The following EEF2K variants were observed in gnomAD, a reference collection of about 807,000 sequenced individuals.
EEF2K encodes the protein alternative protein EEF2K.
In EEF2K, 70 loss-of-function variants were observed where a neutral mutation model predicts 93.8. The observed-to-expected ratio is 0.75, with a 90% CI of 0.62 to 0.91. The LOEUF (loss-of-function observed/expected upper bound fraction) is 0.91. EEF2K is among the 40% of genes least tolerant of loss of function. The pLI, the probability that EEF2K is intolerant of heterozygous loss-of-function variation, is 0.00. For synonymous variants in EEF2K, 376 were observed against 380.8 expected, an observed-to-expected ratio of 0.99 and a Z score of 0.15; for missense variants, 935 against 972.9, an observed-to-expected ratio of 0.96 and a Z score of 0.52.
chr16:22,242,400 C>A (rs1359938709), intron 2 of EEF2K, among the ~76,000 whole-genome samples: 1 of 151,924 alleles, frequency 6.6e-6, no homozygotes, highest in African/African-American at 2.4e-5. Flanking sequence ...CCATTCACTG[C>A]AACCTCCACC....
chr16:22,274,610 T>C (rs1177193097), intron 16 of EEF2K, among the ~76,000 whole-genome samples: 2 of 152,070 alleles, frequency 1.3e-5, no homozygotes, highest in African/African-American at 2.4e-5. Flanking sequence ...CTTTTCCTAC[T>C]TATTATTATA....
chr16:22,248,049 T>A (rs959970525), intron 3 of EEF2K, among the ~76,000 whole-genome samples: 12 of 151,804 alleles, frequency 7.9e-5, no homozygotes, highest in African/African-American at 2.9e-4. Flanking sequence ...GTATTTATTT[T>A]TATTTTTATT....
rs1173721565 is a variant in EEF2K at position 22,280,304 on chromosome 16, A to G, written c.1996A>G (p.Met666Val). 1.9e-6 allele frequency: 3 copies of G among 1,609,116 alleles called. No homozygotes were observed. Among genetic ancestry groups the G allele is most frequent in the East Asian group, 4.5e-5 (2 of 44,414 alleles). Residue 666 changes from methionine to valine, a missense_variant, in exon 17 of 18, where the codon ATG (methionine) becomes GTG (valine). By Grantham distance (21) the Met-to-Val change is conservative. Transcript: ENST00000263026. ...CGGAATGCAGGACGAGCCCCGGTAC[A>G]TGATGCTGGCCAGGGAGGCCGAGAT... is the stretch of plus-strand genomic sequence containing the variant. ...YDGMQDEPRY[M>V]MLAREAEMLF...
chr16:22,213,979 A>G (rs2046937594), intron 1 of EEF2K, among the ~76,000 whole-genome samples: 1 of 152,242 alleles, frequency 6.6e-6, no homozygotes, highest in Admixed American at 6.5e-5. Context: ...TCCAGGGATT[A>G]GGATGTAGCC....
In EEF2K at chr16:22,224,202, AAAAC is replaced by A. The variant is rs551150421; in HGVS notation, c.-76-1440_-76-1437del. ...ACAGAGCCAGACTCTGTCTCAAAGA[AAAAC>A]AAACAAACAAAAAATGCTTTTAGGG... On this transcript the variant is annotated intron_variant, in intron 1 of 17. Coordinates refer to ENST00000263026, the MANE Select transcript of EEF2K (RefSeq NM_013302.5). 8.5e-5 allele frequency among the ~76,000 whole-genome samples: 13 copies of A among 152,280 alleles called. No individual in the cohort carries two copies. The East Asian group carries it at 9.6e-4, about 11-fold the overall frequency.
intron 12 of EEF2K, 29 bp from the exon 13 acceptor site, chr16:22,264,789 G>T: frequency 6.2e-7 from 1 of 1,612,792 alleles, no homozygotes; most frequent in Non-Finnish European, 8.5e-7. Context: ...TTGTCGCTTT[G>T]GATCAGTGTA....
chr16:22,267,951 T>C (rs1171591028), intron 15 of EEF2K, among the ~76,000 whole-genome samples: 1 of 152,170 alleles, frequency 6.6e-6, no homozygotes, highest in East Asian at 1.9e-4. Flanking sequence ...TCCTCCCATC[T>C]GTTCCCATCC....
At position 22,266,505 on chromosome 16, in the gene EEF2K, G is replaced by A. The variant is rs1357247148; in HGVS notation, c.1556G>A (p.Gly519Glu). Residue 519 changes from glycine (G) to glutamate (E), a missense_variant, in exon 14 of 18, where the codon GGG becomes GAG. Physicochemically the swap from Gly to Glu is moderately conservative, Grantham distance 98. Transcript: ENST00000263026. ...LNALDLEKKI[G>E]KSILGKVHLA... ...GCTCTGGACCTCGAAAAGAAAATCG[G>A]GAAGTCCATTTTGGGGAAGGTATCG... is the stretch of plus-strand genomic sequence containing the variant. 1 of 1,614,192 alleles carries A rather than the reference G, an allele frequency of 6.2e-7. No individual in the cohort carries two copies. Among genetic ancestry groups the A allele is most frequent in the East Asian group, 2.2e-5 (1 of 44,874 alleles).
intron 2 of EEF2K, among the ~76,000 whole-genome samples, chr16:22,236,513 T>C (rs1482976412): frequency 6.6e-6 from 1 of 151,984 alleles, no homozygotes; most frequent in Admixed American, 6.6e-5. Flanking sequence ...TCATAAAGTC[T>C]GCAGAAGTGA....
In EEF2K at chr16:22,284,180, A is replaced by G. The variant is rs2047729411; in HGVS notation, c.*184A>G. 3.2e-6 allele frequency: 2 copies of G among 618,694 alleles called. No homozygotes were observed. Among genetic ancestry groups the G allele is most frequent in the Non-Finnish European group, 5.7e-6 (2 of 351,616 alleles). 38.3% of individuals were successfully genotyped at this position (618,694 alleles called of 1,614,324 possible). ...TTTGCTCCTTGGCAGCTACCAGCAG[A>G]GACTCTATAGCTGTCTCTTAGGGCA... On this transcript the variant is annotated 3_prime_UTR_variant, in exon 18 of 18. Transcript: ENST00000263026.
Position 22,264,859 on chromosome 16 carries a change from C to T in EEF2K, c.1419C>T (p.Asp473=). ...ATCGGAAGTACGAGTCTGACGAAGA[C>T]AGCCTGGGCAGCTCTGGACGGGTAA... ...YSNRKYESDE[D]SLGSSGRVCV... The change falls in exon 13 of 18, where the codon GAC becomes GAT. Residue 473 remains aspartate (D), a synonymous_variant. Transcript: ENST00000263026. 3.1e-6 allele frequency: 5 copies of T among 1,614,086 alleles called. No homozygotes were observed. The highest frequency in any genetic ancestry group is 4.2e-6 in the Non-Finnish European group (5 of 1,179,968).
At chr16:22,281,235 TTTTC>T (rs1250634216) in intron 17 of EEF2K, among the ~76,000 whole-genome samples, 3 of 152,246 alleles carry the variant, frequency 2.0e-5, no homozygotes, top group East Asian at 1.9e-4. Context: ...CCTCCTTTCC[TTTTC>T]TTTCTTTCTT....
At chr16:22,278,504 G>A (rs1471446811) in intron 16 of EEF2K, among the ~76,000 whole-genome samples, 1 of 152,152 alleles carries the variant, frequency 6.6e-6, no homozygotes, top group Non-Finnish European at 1.5e-5. Flanking sequence ...AGCAGGCATC[G>A]TTGGGGAATG....
In EEF2K at chr16:22,280,217, G is replaced by T; in HGVS notation, c.1909G>T (p.Ala637Ser). The T allele has an allele frequency of 6.4e-7, 1 of 1,551,250 alleles. No homozygotes were observed. Among genetic ancestry groups the T allele is most frequent in the Non-Finnish European group, 8.7e-7 (1 of 1,148,798 alleles). The stretch of plus-strand genomic sequence containing the variant: ...GGCAAGGTGCCAAGACTGGCTAGAG[G>T]CCCTGCACTGGTACAACACTGCCCT... ...SPDRCQDWLE[A>S]LHWYNTALEM... The change falls in exon 17 of 18, where the codon GCC (alanine) becomes TCC (serine). Residue 637 changes from alanine to serine, a missense_variant. By Grantham distance (99) the Ala-to-Ser change is moderately conservative. Coordinates refer to ENST00000263026, the MANE Select transcript of EEF2K (RefSeq NM_013302.5).
chr16:22,260,369 G>T, intron 10 of EEF2K, 93 bp from the exon 11 acceptor site: 6 of 1,192,318 alleles, frequency 5.0e-6, no homozygotes, highest in Non-Finnish European at 5.9e-6. Context: ...AAAAAGGCTT[G>T]GTGGCAGGTA....
intron 3 of EEF2K, among the ~76,000 whole-genome samples, chr16:22,245,431 C>G (rs2030304995): frequency 1.3e-5 from 2 of 152,040 alleles, no homozygotes; most frequent in Non-Finnish European, 2.9e-5. Context: ...CTCTGGAGAG[C>G]TTTCCTCCCT....
intron 2 of EEF2K, among the ~76,000 whole-genome samples, chr16:22,238,368 C>A (rs1032258480): frequency 2.6e-5 from 4 of 152,074 alleles, no homozygotes; most frequent in African/African-American, 9.7e-5. Flanking sequence ...TGATCATCCC[C>A]CTACAGATGG....
rs748801468 is a variant in EEF2K, at chr16:22,244,581, GCCCCTGA to G, written c.247-46_247-40del. ...AGGAGGAGTCCACGCTGTCCCCAAA[GCCCCTGA>G]CCTGGGCCTGATGTTCCTACCTTCT... On this transcript the variant is annotated intron_variant, in intron 2 of 17. Coordinates refer to ENST00000263026, the MANE Select transcript of EEF2K (RefSeq NM_013302.5). 3.8e-6 allele frequency: 6 copies of G among 1,595,212 alleles called. No homozygotes were observed. The African/African-American group carries it at 6.7e-5, about 18-fold the overall frequency.
rs1236610751 is a variant in EEF2K, at chr16:22,284,734, T to A, written c.*738T>A. 6.6e-6 allele frequency: 1 copy of A among 152,172 alleles called. No homozygotes were observed. Among genetic ancestry groups the A allele is most frequent in the Non-Finnish European group, 1.5e-5 (1 of 68,040 alleles). The allele number at this position is 152,172 out of a possible 1,614,324, so 9.4% of individuals were successfully genotyped here. A position where few individuals can be genotyped will look rare whatever the true frequency, so the allele number is the denominator to read the frequency against. On this transcript the variant is annotated 3_prime_UTR_variant, in exon 18 of 18. Transcript: ENST00000263026. ...GTCGGGCCCATGGAGCCCTGTGTTTTGTGCATCGGGATGAGAAATGAAGCA... is the reference window on the plus strand; with the variant it reads ...GTCGGGCCCATGGAGCCCTGTGTTTAGTGCATCGGGATGAGAAATGAAGCA...
Sources: gnomAD v4.1 joint callset for allele counts (sites outside exome capture counted in the v4.1 genomes callset) on GRCh38, gnomAD v4.1.1 for gene constraint, MANE v1.5 for transcripts, NCBI Gene and HGNC (gene_info 2026-07-23, HGNC 2026-07-21) for gene names.